Variants in CLDN16 observed in about 807,000 individuals in gnomAD.
The protein encoded by CLDN16 is claudin 16, also known as claudin-16.
CLDN16 carries 13 observed loss-of-function variants against 24.6 expected under a neutral mutation model. The observed-to-expected ratio is 0.53, with a 90% CI of 0.34 to 0.84. The LOEUF (loss-of-function observed/expected upper bound fraction) is 0.84. CLDN16 is among the 40% of genes least tolerant of loss of function. The pLI is 0.01. For missense variants in CLDN16, 298 were observed against 292.7 expected, an observed-to-expected ratio of 1.02 and a Z score of -0.13; for synonymous variants, 116 against 106.7, an observed-to-expected ratio of 1.09 and a Z score of -0.54.
chr3:190,302,297 A>C, the CLDN16 span, among the ~76,000 whole-genome samples: 2 of 152,156 alleles, frequency 1.3e-5, no homozygotes, highest in East Asian at 3.8e-4. Context: ...TAGGATTATC[A>C]CTGTTTAATA....
intron 1 of CLDN16, among the ~76,000 whole-genome samples, chr3:190,392,331 C>A (rs1718700921): frequency 2.0e-5 from 3 of 151,650 alleles, no homozygotes; most frequent in Admixed American, 1.3e-4. Flanking sequence ...TCTTTCCCTC[C>A]TATATCCTTC....
At chr3:190,291,088 A>T in the CLDN16 span, among the ~76,000 whole-genome samples, 515 of 152,286 alleles carry the variant, frequency 3.4e-3, 4 homozygotes, top group African/African-American at 0.012. Context: ...GAACCATAGC[A>T]TGTGGATATC....
In CLDN16 at chr3:190,410,250, A is replaced by C. The variant is rs1719242608; in HGVS notation, c.*214A>C. 1.8e-6 allele frequency: 1 copy of C among 568,252 alleles called. No homozygotes were observed. The highest frequency in any genetic ancestry group is 3.1e-6 in the Non-Finnish European group (1 of 319,858). 35.2% of individuals were successfully genotyped at this position (568,252 alleles called of 1,614,324 possible). On this transcript the variant is annotated 3_prime_UTR_variant, in exon 5 of 5. Transcript: ENST00000264734. ...TCTCTGCTAACCTTCCACCTTATGC[A>C]CACACTTTCCCTATATTTTAAGATA...
At chr3:190,344,481 T>C (rs980353643) in intron 1 of CLDN16, among the ~76,000 whole-genome samples, 12 of 151,834 alleles carry the variant, frequency 7.9e-5, no homozygotes, top group Admixed American at 2.0e-4. Context: ...GTGAATAATG[T>C]ATATTATATA....
At chr3:190,372,138 G>A (rs192832397) in intron 2 of CLDN16, among the ~76,000 whole-genome samples, 80 of 151,998 alleles carry the variant, frequency 5.3e-4, no homozygotes, top group Admixed American at 2.2e-3. Context: ...ACTTGAGGCC[G>A]GCTAAGGATG....
At chr3:190,401,553 A>C (rs1718963018) in intron 1 of CLDN16, among the ~76,000 whole-genome samples, 1 of 152,194 alleles carries the variant, frequency 6.6e-6, no homozygotes, top group African/African-American at 2.4e-5. Flanking sequence ...ATTCTAAGAA[A>C]TCTATTGTGA....
chr3:190,368,484 C>A (rs1007327798), intron 1 of CLDN16, among the ~76,000 whole-genome samples: 1 of 151,966 alleles, frequency 6.6e-6, no homozygotes, highest in East Asian at 1.9e-4. Flanking sequence ...TTGTTTTAAA[C>A]TGCTAAGTTT....
intron 1 of CLDN16, among the ~76,000 whole-genome samples, chr3:190,327,402 A>G (rs1717088406): frequency 6.6e-6 from 1 of 152,202 alleles, no homozygotes; most frequent in Non-Finnish European, 1.5e-5. Flanking sequence ...CCAAGTGGAC[A>G]CATAAAATCA....
Position 190,408,484 on chromosome 3 carries a change from T to C in CLDN16, c.553T>C (p.Cys185Arg). 1.2e-6 allele frequency: 2 copies of C among 1,614,090 alleles called. No homozygotes were observed. Among genetic ancestry groups the C allele is most frequent in the Non-Finnish European group, 1.7e-6 (2 of 1,179,982 alleles). ...GCFLAGAVLT[C>R]CLYLFKDVGP... ...CTTTTTGGCTGGAGCTGTTCTCACCTGCTGCTTATATCTTTTTAAAGGTAA... is the reference window on the plus strand; with the variant it reads ...CTTTTTGGCTGGAGCTGTTCTCACCCGCTGCTTATATCTTTTTAAAGGTAA... Residue 185 changes from cysteine (C) to arginine (R), a missense_variant, in exon 4 of 5, where the codon TGC (cysteine) becomes CGC (arginine). Coordinates refer to ENST00000264734, the MANE Select transcript of CLDN16 (RefSeq NM_006580.4).
chr3:190,408,409 T>C lies in CLDN16; in HGVS notation c.478T>C (p.Tyr160His), dbSNP rs1298030528. ...VLHNIFLGIQ[Y>H]KFGWSCWLGM... ...GCACAATATATTTCTTGGTATCCAA[T>C]ATAAATTTGGTTGGTCCTGTTGGCT... is the stretch of plus-strand genomic sequence containing the variant. The change falls in exon 4 of 5, where the codon TAT becomes CAT. Residue 160 changes from tyrosine (Y) to histidine (H), a missense_variant. Transcript: ENST00000264734. The C allele has an allele frequency of 5.6e-6, 9 of 1,614,028 alleles. No individual in the cohort carries two copies. Among genetic ancestry groups the C allele is most frequent in the African/African-American group, 1.3e-5 (1 of 74,912 alleles).
At chr3:190,364,933 C>T (rs534011756) in intron 1 of CLDN16, among the ~76,000 whole-genome samples, 6 of 151,568 alleles carry the variant, frequency 4.0e-5, no homozygotes, top group Non-Finnish European at 5.9e-5. Context: ...TTCTCTTCAC[C>T]GGGATCTGTC....
chr3:190,380,922 A>T (rs1052558940), intron 3 of CLDN16, among the ~76,000 whole-genome samples: 2 of 152,156 alleles, frequency 1.3e-5, no homozygotes, highest in Non-Finnish European at 2.9e-5. Context: ...GATGCAAGGC[A>T]GGGTTCCCGG....
At chr3:190,379,981 CTATCT>C (rs1560091392) in intron 3 of CLDN16, among the ~76,000 whole-genome samples, 2 of 127,646 alleles carry the variant, frequency 1.6e-5, no homozygotes, top group Non-Finnish European at 3.7e-5. Context: ...CTCTGTCTAT[CTATCT>C]ATCTATCTAT....
In CLDN16 at chr3:190,388,206, A is replaced by C; in HGVS notation, c.-124A>C. 1 of 1,614,040 alleles carries C rather than the reference A, an allele frequency of 6.2e-7. No individual in the cohort carries two copies. Among genetic ancestry groups the C allele is most frequent in the Non-Finnish European group, 8.5e-7 (1 of 1,180,004 alleles). On this transcript the variant is annotated 5_prime_UTR_variant, in exon 1 of 5. Coordinates refer to ENST00000264734, the MANE Select transcript of CLDN16 (RefSeq NM_006580.4). ...GACACCTGCAGCAGGGCGTGAGAAA[A>C]AGTAAAAGACCAGTATTTTCACATT... is the stretch of plus-strand genomic sequence containing the variant.
At chr3:190,379,583 A>T (rs1052786617) in intron 3 of CLDN16, among the ~76,000 whole-genome samples, 1 of 152,104 alleles carries the variant, frequency 6.6e-6, no homozygotes, top group African/African-American at 2.4e-5. Context: ...CAACAAACAA[A>T]CAAACAAACA....
At chr3:190,318,101 A>T (rs1302496150), upstream of CLDN16, among the ~76,000 whole-genome samples, 1 of 152,212 alleles carries the variant, frequency 6.6e-6, no homozygotes, top group Non-Finnish European at 1.5e-5. Flanking sequence ...TAAAAGTCCT[A>T]ATCATTAGCA....
rs528760064 is a variant in CLDN16, at chr3:190,350,298, C to G, written n.122-20595C>G. 2.7e-5 allele frequency among the ~76,000 whole-genome samples: 4 copies of G among 148,824 alleles called. No individual in the cohort carries two copies. The East Asian group carries it at 7.8e-4, about 29-fold the overall frequency. ...TCTGGTGTGAAATGATAAAGCTTTTCTACATAAAAGCAGTACTTGAAGTTT... is the reference window on the plus strand; with the variant it reads ...TCTGGTGTGAAATGATAAAGCTTTTGTACATAAAAGCAGTACTTGAAGTTT... On this transcript the variant is annotated intron_variant and non_coding_transcript_variant, in intron 1 of 4. Coordinates refer to the CLDN16 transcript ENST00000468220.
intron 1 of CLDN16, among the ~76,000 whole-genome samples, chr3:190,389,760 A>G (rs1328139577): frequency 6.6e-6 from 1 of 152,208 alleles, no homozygotes; most frequent in Non-Finnish European, 1.5e-5. Context: ...GTGCAGATAA[A>G]ACGTTCTGCT....
chr3:190,333,966 G>A (rs1003215490), intron 1 of CLDN16, among the ~76,000 whole-genome samples: 1 of 152,040 alleles, frequency 6.6e-6, no homozygotes, highest in Non-Finnish European at 1.5e-5. Context: ...AATCAGGGTA[G>A]AGTGGCATCT....
Sources: gnomAD v4.1 joint callset for allele counts (sites outside exome capture counted in the v4.1 genomes callset) on GRCh38, gnomAD v4.1.1 for gene constraint, MANE v1.5 for transcripts, NCBI Gene and HGNC (gene_info 2026-07-23, HGNC 2026-07-21) for gene names.